SIPA1: variants seen among roughly 807,000 people sequenced by gnomAD.
SIPA1 encodes the protein signal-induced proliferation-associated protein 1.
SIPA1 carries 51 observed loss-of-function variants against 88.1 expected under a neutral mutation model. The observed-to-expected ratio is 0.58, with a 90% CI of 0.46 to 0.73. The LOEUF (loss-of-function observed/expected upper bound fraction) is 0.73. Ranked by LOEUF, SIPA1 falls within the 30% of genes least tolerant of loss-of-function variation. SIPA1 has a pLI of 0.00. For synonymous variants in SIPA1, 681 were observed against 664.8 expected (o/e 1.02, Z -0.37); for missense variants, 1,348 against 1,467.6 (o/e 0.92, Z 1.33).
At chr11:65,641,712 G>A in intron 2 of SIPA1, 112 bp downstream of exon 2, 1 of 1,028,070 alleles carries the variant, frequency 9.7e-7, no homozygotes, top group Non-Finnish European at 1.4e-6. Context: ...TAAAGTCCCT[G>A]GCCCTGGGAG....
intron 4 of SIPA1, among the ~76,000 whole-genome samples, chr11:65,643,289 CCCG>C (rs1856045411): frequency 6.6e-6 from 1 of 152,222 alleles, no homozygotes; most frequent in Admixed American, 6.5e-5. Flanking sequence ...TCCTGCAGTT[CCCG>C]CATCATTCCT....
chr11:65,641,635 G>T (rs1279172627), intron 2 of SIPA1, 35 bp downstream of exon 2: 3 of 1,558,550 alleles, frequency 1.9e-6, no homozygotes, highest in Non-Finnish European at 2.6e-6. Context: ...TGGAGGAGGG[G>T]GGCTGAAGAA....
chr11:65,645,782 A>G, intron 5 of SIPA1, 72 bp from the exon 6 acceptor site: 1 of 1,032,598 alleles, frequency 9.7e-7, no homozygotes, highest in South Asian at 1.5e-5. Flanking sequence ...GTGTACAGGC[A>G]GGAATGGCAA....
chr11:65,650,873 T>C lies in SIPA1; in HGVS notation c.*158T>C. The stretch of plus-strand genomic sequence containing the variant: ...TCCACCCCTTCCCTGTTTGTAAATA[T>C]TCTGTGGAGAAAAGAGGACTTCAGG... On this transcript the variant is annotated 3_prime_UTR_variant, in exon 16 of 16. Coordinates refer to ENST00000534313, the MANE Select transcript of SIPA1 (RefSeq NM_006747.4). 1.3e-6 allele frequency: 1 copy of C among 779,976 alleles called. No individual in the cohort carries two copies. The highest frequency in any genetic ancestry group is 2.0e-6 in the Non-Finnish European group (1 of 506,964). The allele number at this position is 779,976 out of a possible 1,614,324, so 48.3% of individuals were successfully genotyped here. A position where few individuals can be genotyped will look rare whatever the true frequency, so the allele number is the denominator to read the frequency against.
Position 65,650,655 on chromosome 11 carries a change from A to T in SIPA1, c.3069A>T (p.Ala1023=), listed in dbSNP as rs200099660. The T allele has an allele frequency of 6.4e-7, 1 of 1,574,668 alleles. No homozygotes were observed. The highest frequency in any genetic ancestry group is 2.3e-5 in the East Asian group (1 of 42,756). ...NRRLQAESES[A]ATRLLLASKQ... is the part of the protein sequence containing the mutation. The stretch of plus-strand genomic sequence containing the variant: ...GGCTGCAGGCGGAGTCTGAGAGTGC[A>T]GCCACACGCCTCCTCCTGGCCTCCA... Residue 1023 remains alanine, a synonymous_variant, in exon 16 of 16, where the codon GCA becomes GCT. Coordinates refer to ENST00000534313, the MANE Select transcript of SIPA1 (RefSeq NM_006747.4).
In SIPA1 at chr11:65,649,630, G is replaced by A. The variant is rs1182091264; in HGVS notation, c.2595G>A (p.Lys865=). The stretch of plus-strand genomic sequence containing the variant: ...ACCTCCTCCTGGCCACCACAGCCAA[G>A]CCATCAGTACCCAGTGCTGACAGTG... The part of the protein sequence containing the change: ...TPDLLLATTA[K]PSVPSADSET... The change falls in exon 11 of 16, where the codon AAG becomes AAA. Residue 865 remains lysine (K), a synonymous_variant. Coordinates refer to ENST00000534313, the MANE Select transcript of SIPA1 (RefSeq NM_006747.4). 2 of 1,613,946 alleles carry A rather than the reference G, an allele frequency of 1.2e-6. No individual in the cohort carries two copies. The highest frequency in any genetic ancestry group is 1.7e-5 in the Admixed American group (1 of 60,002).
rs1372210012 is a variant in SIPA1, at chr11:65,646,337, G to A, written c.1380G>A (p.Val460=). The change falls in exon 7 of 16, where the codon GTG becomes GTA. Residue 460 remains valine (V), a synonymous_variant. Coordinates refer to ENST00000534313, the MANE Select transcript of SIPA1 (RefSeq NM_006747.4). The surrounding 1 kb of genome is among the most constrained non-coding windows in gnomAD (Gnocchi z 7.5). The part of the protein sequence containing the change: ...IRSHFQHVFL[V]VRAHTPCTPH... ...CGCACTTCCAGCACGTGTTCCTAGTGGTGCGGGCACACACACCCTGCACGC... is the reference window on the plus strand; with the variant it reads ...CGCACTTCCAGCACGTGTTCCTAGTAGTGCGGGCACACACACCCTGCACGC... 1.2e-6 allele frequency: 2 copies of A among 1,613,602 alleles called. No homozygotes were observed. Among genetic ancestry groups the A allele is most frequent in the Admixed American group, 1.7e-5 (1 of 60,020 alleles).
Position 65,641,431 on chromosome 11 carries a change from G to T in SIPA1, c.510G>T (p.Gly170=). 6.2e-7 allele frequency: 1 copy of T among 1,612,798 alleles called. No homozygotes were observed. The highest frequency in any genetic ancestry group is 2.2e-5 in the East Asian group (1 of 44,888). Residue 170 remains glycine (G), a synonymous_variant, in exon 2 of 16, where the codon GGG becomes GGT. Transcript: ENST00000534313. ...CACCTGGCTTTGTGTGTGAGCTCGGGGGTGAGGGTGAGCTAGGCCTGGGTG... is the reference window on the plus strand; with the variant it reads ...CACCTGGCTTTGTGTGTGAGCTCGGTGGTGAGGGTGAGCTAGGCCTGGGTG... ...HGAPGFVCEL[G]GEGELGLGGP... is the part of the protein sequence containing the mutation.
chr11:65,641,954 C>T (rs531889132), intron 2 of SIPA1, among the ~76,000 whole-genome samples: 4 of 152,276 alleles, frequency 2.6e-5, no homozygotes, highest in Admixed American at 2.0e-4. Context: ...ACCAGCACTG[C>T]GGAGAGAGGG....
In SIPA1 at chr11:65,646,272, G is replaced by A. The variant is rs763073594; in HGVS notation, c.1315G>A (p.Glu439Lys). The stretch of plus-strand genomic sequence containing the variant: ...CGACATTGTGACCATCGTGTTCCAG[G>A]AGCCTGGCAGCAAGCCCTTCTGCCC... ...GNDIVTIVFQ[E>K]PGSKPFCPTT... The change falls in exon 7 of 16, where the codon GAG becomes AAG. Residue 439 changes from glutamate (E) to lysine (K), a missense_variant. By Grantham distance (56) the Glu-to-Lys change is moderately conservative. Coordinates refer to ENST00000534313, the MANE Select transcript of SIPA1 (RefSeq NM_006747.4). The surrounding 1 kb of genome is among the most constrained non-coding windows in gnomAD (Gnocchi z 7.5). 1.2e-6 allele frequency: 2 copies of A among 1,614,098 alleles called. No individual in the cohort carries two copies. The highest frequency in any genetic ancestry group is 8.5e-7 in the Non-Finnish European group (1 of 1,179,996).
intron 8 of SIPA1, 29 bp from the exon 9 acceptor site, chr11:65,647,355 C>G (rs1000713922): frequency 1.4e-6 from 2 of 1,386,864 alleles, no homozygotes; most frequent in African/African-American, 3.1e-5. Flanking sequence ...TCCCGGCAGC[C>G]CCGCCCACTC....
Position 65,647,020 on chromosome 11 carries a change from C to T in SIPA1, c.1986C>T (p.Asp662=), listed in dbSNP as rs1170367693. 4 of 1,540,738 alleles carry T rather than the reference C, an allele frequency of 2.6e-6. No individual in the cohort carries two copies. The highest frequency in any genetic ancestry group is 3.5e-6 in the Non-Finnish European group (4 of 1,149,532). The change falls in exon 8 of 16, where the codon GAC becomes GAT. Residue 662 remains aspartate (D), a synonymous_variant. Transcript: ENST00000534313. ...GGGAGGCGATCACGCTGCGCTTCGA[C>T]GGGTCCCCCGGCCAAGCCGTGGGCG... ...GRGEAITLRF[D]GSPGQAVGEV... is the part of the protein sequence containing the mutation.
rs759753165 is a variant in SIPA1 at position 65,646,227 on chromosome 11, C to T, written c.1270C>T (p.Arg424Trp). ...CCTACTATCCAACCCCTAGCTCCTC[C>T]GGAAGCGCCACATTGGCAACGACAT... ...YTPNNQQQLL[R>W]KRHIGNDIVT... The change falls in exon 7 of 16, where the codon CGG (arginine) becomes TGG (tryptophan). Residue 424 changes from arginine (R) to tryptophan (W), a missense_variant. Arg to Trp is a moderately radical substitution (Grantham distance 101, BLOSUM62 -3). Coordinates refer to ENST00000534313, the MANE Select transcript of SIPA1 (RefSeq NM_006747.4). This position sits in a 1 kb window ranked among gnomAD's most constrained non-coding sequence, Gnocchi z 7.5. 6.8e-6 allele frequency: 11 copies of T among 1,613,842 alleles called. No individual in the cohort carries two copies. Among genetic ancestry groups the T allele is most frequent in the Admixed American group, 1.7e-5 (1 of 59,998 alleles).
intron 4 of SIPA1, among the ~76,000 whole-genome samples, chr11:65,643,141 T>C (rs1304370981): frequency 6.6e-6 from 1 of 152,162 alleles, no homozygotes; most frequent in Non-Finnish European, 1.5e-5. Context: ...GGTTTTGAAC[T>C]CCTGACCTTG....
intron 14 of SIPA1, 51 bp from the exon 15 acceptor site, chr11:65,650,350 T>C (rs764318466): frequency 6.3e-7 from 1 of 1,590,416 alleles, no homozygotes; most frequent in South Asian, 1.1e-5. Context: ...AGTCAGCTGG[T>C]GCACTGCCCC....
At chr11:65,640,732 A>T in intron 1 of SIPA1, 99 bp from the exon 2 acceptor site, 17 of 514,086 alleles carry the variant, frequency 3.3e-5, no homozygotes, top group Admixed American at 7.8e-5. Flanking sequence ...ATGGTCTCGG[A>T]GGGGGCCGGA....
chr11:65,642,427 G>T lies in SIPA1; in HGVS notation c.808-36G>T. Reference sequence around the variant, plus strand: ...ACGTGGGTTGCCTCCCCGACACCTTGTATGCATCCTGAGTGCCCTTACACC... The same window carrying T: ...ACGTGGGTTGCCTCCCCGACACCTTTTATGCATCCTGAGTGCCCTTACACC... On this transcript the variant is annotated intron_variant, in intron 3 of 15. Transcript: ENST00000534313. The surrounding 1 kb of genome is among the most constrained non-coding windows in gnomAD (Gnocchi z 6.5). 6.2e-7 allele frequency: 1 copy of T among 1,604,122 alleles called. No individual in the cohort carries two copies. The highest frequency in any genetic ancestry group is 8.5e-7 in the Non-Finnish European group (1 of 1,174,558).
chr11:65,643,555 G>T (rs993013795), intron 4 of SIPA1, among the ~76,000 whole-genome samples: 28 of 152,244 alleles, frequency 1.8e-4, no homozygotes, highest in Admixed American at 6.5e-5. Flanking sequence ...CTGGGTGGGA[G>T]AAAGAGACCC....
chr11:65,641,401 T>C lies in SIPA1; in HGVS notation c.480T>C (p.His160=). Residue 160 remains histidine (H), a synonymous_variant, in exon 2 of 16, where the codon CAT becomes CAC. Transcript: ENST00000534313. ...EDQAASSDLL[H]GAPGFVCELG... ...AGGCTGCCAGCTCGGACCTGCTGCA[T>C]GGGGCACCTGGCTTTGTGTGTGAGC... 6.2e-7 allele frequency: 1 copy of C among 1,613,164 alleles called. No individual in the cohort carries two copies. Among genetic ancestry groups the C allele is most frequent in the Non-Finnish European group, 8.5e-7 (1 of 1,180,010 alleles).
Sources: allele counts gnomAD v4.1 joint callset (sites outside exome capture counted in the v4.1 genomes callset), GRCh38; gene constraint gnomAD v4.1.1; non-coding constraint Gnocchi (gnomAD v3.1); transcripts MANE v1.5; gene names NCBI Gene and HGNC (gene_info 2026-07-23, HGNC 2026-07-21).